The following ECHDC3 variants were observed in gnomAD, a reference collection of about 807,000 sequenced individuals.
ECHDC3 encodes enoyl-CoA hydratase domain-containing protein 3, mitochondrial.
Under a neutral mutation model 17.9 loss-of-function variants are expected in ECHDC3, and 20 were observed. The observed-to-expected ratio is 1.12, with a 90% confidence interval of 0.79 to 1.63. The LOEUF is 1.63. Among genes scored for constraint, ECHDC3 ranks in the 40% most tolerant of loss-of-function variants. The pLI, the probability that ECHDC3 is intolerant of heterozygous loss-of-function variation, is 0.00. For missense variants in ECHDC3, 407 were observed against 357.7 expected (o/e 1.14, Z -1.11); for synonymous variants, 177 against 149.7 (o/e 1.18, Z -1.33).
At chr10:11,747,260 A>G in intron 1 of ECHDC3, 89 bp from the exon 2 acceptor site, 1 of 1,536,262 alleles carries the variant, frequency 6.5e-7, no homozygotes, top group Non-Finnish European at 8.8e-7. Context: ...TGTCTGTTAA[A>G]AATACCTCCT....
intron 3 of ECHDC3, among the ~76,000 whole-genome samples, chr10:11,753,102 C>T (rs1832844510): frequency 1.3e-5 from 2 of 152,062 alleles, no homozygotes; most frequent in South Asian, 2.1e-4. Flanking sequence ...ATTTTTAGGC[C>T]GGTCACAGTG....
intron 1 of ECHDC3, among the ~76,000 whole-genome samples, chr10:11,743,386 G>A (rs980771244): frequency 6.6e-6 from 1 of 152,212 alleles, no homozygotes; most frequent in East Asian, 1.9e-4. Flanking sequence ...TTCACCTTCC[G>A]AAGAAGACCT....
In ECHDC3 at chr10:11,742,396, G is replaced by A. The variant is rs566327905; in HGVS notation, c.-181G>A. ...CGGGGCGGGGCGTAGTACGGACTGG[G>A]CCTGGCCTGGGGCGTCCCCGCGAAG... On this transcript the variant is annotated 5_prime_UTR_variant, in exon 1 of 5. Coordinates refer to ENST00000379215, the MANE Select transcript of ECHDC3 (RefSeq NM_024693.5). The A allele has an allele frequency of 1.1e-3, 421 of 383,756 alleles. 5 individuals are homozygous for A. Among genetic ancestry groups the A allele is most frequent in the Admixed American group, 2.6e-3 (33 of 12,536 alleles). The allele number at this position is 383,756 out of a possible 1,614,324, so 23.8% of individuals were successfully genotyped here.
chr10:11,760,010 A>G (rs3750691), intron 4 of ECHDC3, among the ~76,000 whole-genome samples: 101,186 of 152,096 alleles, frequency 0.67, 34,190 homozygotes, highest in Non-Finnish European at 0.71. Flanking sequence ...CATCTGGCTC[A>G]GCCAGGTCCC....
At chr10:11,755,767 T>G in intron 4 of ECHDC3, 159 bp downstream of exon 4, 2 of 636,810 alleles carry the variant, frequency 3.1e-6, no homozygotes, top group Non-Finnish European at 5.2e-6. Flanking sequence ...ATGTTCCCTC[T>G]AATGGCAGGG....
rs1208918454 is a variant in ECHDC3 at position 11,763,965 on chromosome 10, G to A, written c.*421G>A. 6.0e-6 allele frequency: 6 copies of A among 992,290 alleles called. No individual in the cohort carries two copies. Among genetic ancestry groups the A allele is most frequent in the Middle Eastern group, 5.1e-4 (1 of 1,972 alleles). The allele number at this position is 992,290 out of a possible 1,614,324, so 61.5% of individuals were successfully genotyped here. A position where few individuals can be genotyped will look rare whatever the true frequency, so the allele number is the denominator to read the frequency against. On this transcript the variant is annotated 3_prime_UTR_variant, in exon 5 of 5. Transcript: ENST00000379215. This position sits in a 1 kb window ranked among gnomAD's most constrained non-coding sequence, Gnocchi z 4.9. ...GAGGCGACACATTTCAAATCTCCAC[G>A]AGATATTCTCCACACAGAAAATCTT... is the stretch of plus-strand genomic sequence containing the variant.
In ECHDC3 at chr10:11,742,566, T is replaced by C; in HGVS notation, c.-11T>C. 7.8e-7 allele frequency: 1 copy of C among 1,276,616 alleles called. No individual in the cohort carries two copies. The highest frequency in any genetic ancestry group is 9.9e-7 in the Non-Finnish European group (1 of 1,014,292). The allele number at this position is 1,276,616 out of a possible 1,614,324, so 79.1% of individuals were successfully genotyped here. A position where few individuals can be genotyped will look rare whatever the true frequency, so the allele number is the denominator to read the frequency against. ...AGCGCGATCCTGCGGCGTCTGGCCA[T>C]CCCGAATGCTATGGCCGCCGTCGCC... On this transcript the variant is annotated 5_prime_UTR_variant, in exon 1 of 5. Coordinates refer to ENST00000379215, the MANE Select transcript of ECHDC3 (RefSeq NM_024693.5).
At chr10:11,748,749 G>T (rs979149085) in intron 2 of ECHDC3, among the ~76,000 whole-genome samples, 4 of 152,108 alleles carry the variant, frequency 2.6e-5, no homozygotes, top group Non-Finnish European at 5.9e-5. Context: ...AGCTGGGCGT[G>T]GGGGCAGGCA....
intron 3 of ECHDC3, among the ~76,000 whole-genome samples, chr10:11,750,091 C>G (rs956207767): frequency 6.6e-6 from 1 of 152,044 alleles, no homozygotes; most frequent in African/African-American, 2.4e-5. Flanking sequence ...CCACCGTGCA[C>G]AGCCTAGTTT....
Position 11,749,544 on chromosome 10 carries a change from G to A in ECHDC3, c.342G>A (p.Glu114=), listed in dbSNP as rs1554758929. The A allele has an allele frequency of 6.2e-7, 1 of 1,614,164 alleles. No homozygotes were observed. The highest frequency in any genetic ancestry group is 1.1e-5 in the South Asian group (1 of 91,088). Residue 114 remains glutamate (E), a synonymous_variant, in exon 3 of 5, where the codon GAG becomes GAA. Transcript: ENST00000379215. ...GGCATGACTTAAAGGAGCTGACAGA[G>A]GAGCAAGGCCGTGATTACCATGCCG... ...SSGHDLKELT[E]EQGRDYHAEV... is the part of the protein sequence containing the mutation.
rs1440045460 is a variant in ECHDC3, at chr10:11,763,649, C to T, written c.*105C>T. ...GCTTCAACAGGTGACAGGCTGCTTT[C>T]GTGACTTGATATTGGTGTCATAGCA... On this transcript the variant is annotated 3_prime_UTR_variant, in exon 5 of 5. Transcript: ENST00000379215. The surrounding 1 kb of genome is among the most constrained non-coding windows in gnomAD (Gnocchi z 4.9). The T allele has an allele frequency of 5.6e-6, 8 of 1,433,098 alleles. No homozygotes were observed. Among genetic ancestry groups the T allele is most frequent in the South Asian group, 1.5e-5 (1 of 66,926 alleles). 88.8% of individuals were successfully genotyped at this position (1,433,098 alleles called of 1,614,324 possible).
intron 4 of ECHDC3, among the ~76,000 whole-genome samples, chr10:11,757,401 G>A (rs1367985666): frequency 1.3e-5 from 2 of 152,114 alleles, no homozygotes; most frequent in African/African-American, 4.8e-5. Context: ...GACAAAAACA[G>A]GCCTTAAGTT....
At chr10:11,758,114 G>A (rs1033800774) in intron 4 of ECHDC3, among the ~76,000 whole-genome samples, 5 of 152,144 alleles carry the variant, frequency 3.3e-5, no homozygotes, top group Non-Finnish European at 7.4e-5. Context: ...TCTCCTGGCC[G>A]CCGCAGGGAC....
intron 2 of ECHDC3, among the ~76,000 whole-genome samples, chr10:11,748,623 T>A (rs1162932630): frequency 6.6e-6 from 1 of 152,200 alleles, no homozygotes; most frequent in African/African-American, 2.4e-5. Context: ...TGGTTGCTCA[T>A]GTCTGTAATC....
Position 11,742,689 on chromosome 10 carries a change from C to A in ECHDC3, c.113C>A (p.Ala38Glu). ...TTCTGCAGCCGGGACCCGGCCGGGG[C>A]GGGGCGGCGGGAGTCGGAGCCGCGG... ...ARFCSRDPAG[A>E]GRRESEPRPT... The change falls in exon 1 of 5, where the codon GCG (alanine) becomes GAG (glutamate). Residue 38 changes from alanine to glutamate, a missense_variant. By Grantham distance (107) the Ala-to-Glu change is moderately radical. Transcript: ENST00000379215. The A allele has an allele frequency of 8.0e-7, 1 of 1,242,986 alleles. No homozygotes were observed. Among genetic ancestry groups the A allele is most frequent in the Admixed American group, 4.3e-5 (1 of 23,462 alleles). 77.0% of individuals were successfully genotyped at this position (1,242,986 alleles called of 1,614,324 possible).
rs751554267 is a variant in ECHDC3, at chr10:11,749,563, C to G, written c.361C>G (p.His121Asp). ...ELTEEQGRDY[H>D]AEVFQTCSKV... ...GACAGAGGAGCAAGGCCGTGATTAC[C>G]ATGCCGAAGTATTTCAGACCTGTTC... is the stretch of plus-strand genomic sequence containing the variant. Residue 121 changes from histidine (H) to aspartate (D), a missense_variant, in exon 3 of 5, where the codon CAT becomes GAT. By Grantham distance (81) the His-to-Asp change is moderately conservative (BLOSUM62 -1). Coordinates refer to ENST00000379215, the MANE Select transcript of ECHDC3 (RefSeq NM_024693.5). The G allele has an allele frequency of 6.2e-7, 1 of 1,614,092 alleles. No individual in the cohort carries two copies. Among genetic ancestry groups the G allele is most frequent in the Admixed American group, 1.7e-5 (1 of 60,002 alleles).
chr10:11,746,868 G>C (rs1269849579), intron 1 of ECHDC3, among the ~76,000 whole-genome samples: 1 of 152,180 alleles, frequency 6.6e-6, no homozygotes, highest in Non-Finnish European at 1.5e-5. Flanking sequence ...CGGGGAGGTG[G>C]AGGTTGCAGT....
chr10:11,758,914 A>G (rs914387056), intron 4 of ECHDC3, among the ~76,000 whole-genome samples: 2 of 152,178 alleles, frequency 1.3e-5, no homozygotes, highest in Non-Finnish European at 2.9e-5. Flanking sequence ...GACAGATGCT[A>G]TGTGCTGTGG....
At position 11,742,628 on chromosome 10, in the gene ECHDC3, C is replaced by T. The variant is rs749677462; in HGVS notation, c.52C>T (p.Leu18Phe). 3.1e-6 allele frequency: 4 copies of T among 1,283,840 alleles called. No individual in the cohort carries two copies. Among genetic ancestry groups the T allele is most frequent in the Non-Finnish European group, 3.9e-6 (4 of 1,016,252 alleles). The allele number at this position is 1,283,840 out of a possible 1,614,324, so 79.5% of individuals were successfully genotyped here. ...CTTCGGGGCAAGTGGGCCCATGTGT[C>T]TCCGGCGCGGCCCCTGGGCCCAGCT... ...RAFGASGPMC[L>F]RRGPWAQLPA... is the part of the protein sequence containing the mutation. Residue 18 changes from leucine (L) to phenylalanine (F), a missense_variant, in exon 1 of 5, where the codon CTC becomes TTC. Transcript: ENST00000379215.
Sources: gnomAD v4.1 joint callset for allele counts (sites outside exome capture counted in the v4.1 genomes callset) on GRCh38, gnomAD v4.1.1 for gene constraint, Gnocchi (gnomAD v3.1) non-coding constraint, MANE v1.5 for transcripts, NCBI Gene and HGNC (gene_info 2026-07-23, HGNC 2026-07-21) for gene names.